LYPD6: variants seen among roughly 807,000 people sequenced by gnomAD.
LYPD6 encodes the protein LY6/PLAUR domain containing 6, also known as ly6/PLAUR domain-containing protein 6.
A neutral mutation model predicts 22.7 loss-of-function variants in LYPD6; 15 were observed. The observed-to-expected ratio is 0.66, with a 90% CI of 0.44 to 1.02. The LOEUF is 1.02. Among genes scored for constraint, LYPD6 ranks in the 50% least tolerant of loss-of-function variants. The pLI is 0.00. For synonymous variants in LYPD6, 72 were observed against 77.5 expected, an observed-to-expected ratio of 0.93 and a Z score of 0.37; for missense variants, 189 against 208.4, an observed-to-expected ratio of 0.91 and a Z score of 0.57.
intron 1 of LYPD6, among the ~76,000 whole-genome samples, chr2:149,385,532 C>G (rs1682163739): frequency 6.6e-6 from 1 of 152,182 alleles, no homozygotes; most frequent in Non-Finnish European, 1.5e-5. Context: ...AGGGACTTAG[C>G]TGGTCTCCTC....
At chr2:149,365,206 A>G (rs961500743) in intron 1 of LYPD6, among the ~76,000 whole-genome samples, 1 of 152,190 alleles carries the variant, frequency 6.6e-6, no homozygotes, top group Non-Finnish European at 1.5e-5. Context: ...ATTCTGCTGG[A>G]TGATGTTACC....
intron 1 of LYPD6, among the ~76,000 whole-genome samples, chr2:149,360,384 C>G (rs994552087): frequency 2.0e-5 from 3 of 152,204 alleles, no homozygotes; most frequent in Non-Finnish European, 1.5e-5. Context: ...TTATTTTTCC[C>G]AGCCCCTATT....
chr2:149,389,413 A>G (rs1440719803), intron 1 of LYPD6, among the ~76,000 whole-genome samples: 6 of 152,172 alleles, frequency 3.9e-5, no homozygotes, highest in Non-Finnish European at 8.8e-5. Flanking sequence ...AGTCACAGCT[A>G]GGCATGGAAC....
In LYPD6 at chr2:149,416,563, C is replaced by T. The variant is rs780851252; in HGVS notation, c.-71-21075C>T. Among the ~76,000 whole-genome samples the T allele has an allele frequency of 4.6e-5, 7 of 152,276 alleles. No individual in the cohort carries two copies. In the South Asian group the frequency reaches 6.2e-4, roughly 14 times the overall value. ...CCTCGTGGCAGCTATAACTGTAGTTCAGTGGGACCCTTGCTAAGTTCTTTG... is the reference window on the plus strand; with the variant it reads ...CCTCGTGGCAGCTATAACTGTAGTTTAGTGGGACCCTTGCTAAGTTCTTTG... On this transcript the variant is annotated intron_variant, in intron 1 of 4. Coordinates refer to ENST00000334166, the MANE Select transcript of LYPD6 (RefSeq NM_194317.5).
At chr2:149,363,746 G>A (rs1369402367) in intron 1 of LYPD6, among the ~76,000 whole-genome samples, 2 of 152,108 alleles carry the variant, frequency 1.3e-5, no homozygotes, top group African/African-American at 2.4e-5. Flanking sequence ...GAAACAGCAG[G>A]CACTACACAT....
At chr2:149,358,061 C>T (rs558414053) in intron 1 of LYPD6, among the ~76,000 whole-genome samples, 125 of 152,304 alleles carry the variant, frequency 8.2e-4, no homozygotes, top group Middle Eastern at 3.4e-3. Context: ...GCTGGGATTA[C>T]AGGCATGAGC....
chr2:149,422,564 T>C (rs950479111), intron 1 of LYPD6, among the ~76,000 whole-genome samples: 14 of 152,306 alleles, frequency 9.2e-5, no homozygotes, highest in African/African-American at 3.4e-4. Context: ...ATCAGGCTAA[T>C]TAACTTATCA....
Position 149,459,888 on chromosome 2 carries a change from T to A in LYPD6, c.218-8757T>A, listed in dbSNP as rs1726490. The stretch of plus-strand genomic sequence containing the variant: ...CTGCACTCTAGCCTGGGTGACAGAG[T>A]AAGACTTTGTCTCAAAAAAAAAAAA... On this transcript the variant is annotated intron_variant, in intron 3 of 4. Transcript: ENST00000334166. 6.7e-5 allele frequency among the ~76,000 whole-genome samples: 10 copies of A among 149,390 alleles called. No individual in the cohort carries two copies. The East Asian group carries it at 1.8e-3, about 26-fold the overall frequency.
intron 1 of LYPD6, among the ~76,000 whole-genome samples, chr2:149,427,220 T>A (rs575789693): frequency 6.6e-6 from 1 of 152,336 alleles, no homozygotes; most frequent in East Asian, 1.9e-4. Context: ...CTGGCTGCAA[T>A]TTAGTTCACT....
intron 1 of LYPD6, among the ~76,000 whole-genome samples, chr2:149,415,597 G>GGA (rs750437568): frequency 8.6e-5 from 13 of 151,950 alleles, no homozygotes; most frequent in Admixed American, 7.9e-4. Flanking sequence ...CCTTAACGAA[G>GGA]GAGAGAGAGA....
intron 1 of LYPD6, among the ~76,000 whole-genome samples, chr2:149,367,525 C>A (rs766861241): frequency 9.2e-5 from 14 of 152,290 alleles, no homozygotes; most frequent in African/African-American, 2.9e-4. Context: ...AACACCAGAT[C>A]GAGGGGCACC....
chr2:149,457,794 G>A (rs1380042346), intron 3 of LYPD6, among the ~76,000 whole-genome samples: 3 of 152,080 alleles, frequency 2.0e-5, no homozygotes, highest in African/African-American at 4.8e-5. Context: ...TTATTAAAAA[G>A]CAAACCAAAG....
chr2:149,427,640 G>C (rs951464002), intron 1 of LYPD6, among the ~76,000 whole-genome samples: 1 of 152,188 alleles, frequency 6.6e-6, no homozygotes, highest in African/African-American at 2.4e-5. Context: ...CATAATGACC[G>C]CATAATGACA....
chr2:149,338,707 C>T (rs946212182), intron 1 of LYPD6, among the ~76,000 whole-genome samples: 3 of 152,032 alleles, frequency 2.0e-5, no homozygotes, highest in Non-Finnish European at 4.4e-5. Context: ...TAAATTACCC[C>T]GGCTAAGGCA....
intron 1 of LYPD6, among the ~76,000 whole-genome samples, chr2:149,380,714 G>T (rs1383583933): frequency 1.3e-5 from 2 of 152,128 alleles, no homozygotes; most frequent in East Asian, 3.9e-4. Flanking sequence ...AGACATCTGG[G>T]ATAAAAATAT....
intron 1 of LYPD6, among the ~76,000 whole-genome samples, chr2:149,437,235 G>A (rs1425137389): frequency 2.0e-5 from 3 of 152,084 alleles, no homozygotes; most frequent in Non-Finnish European, 2.9e-5. Flanking sequence ...ATGGACACCC[G>A]TGGCCCAGTA....
At chr2:149,369,984 C>T (rs547086721) in intron 1 of LYPD6, among the ~76,000 whole-genome samples, 3 of 151,882 alleles carry the variant, frequency 2.0e-5, no homozygotes, top group South Asian at 2.1e-4. Flanking sequence ...AGAGGTGGAG[C>T]GATTAGCAGC....
intron 3 of LYPD6, among the ~76,000 whole-genome samples, chr2:149,465,765 GGGT>G (rs1681186173): frequency 6.6e-6 from 1 of 152,164 alleles, no homozygotes; most frequent in East Asian, 1.9e-4. Context: ...GCGTGCACAT[GGGT>G]GTGAATTTCA....
intron 1 of LYPD6, among the ~76,000 whole-genome samples, chr2:149,369,947 G>C (rs945503455): frequency 6.6e-6 from 1 of 152,108 alleles, no homozygotes; most frequent in Non-Finnish European, 1.5e-5. Flanking sequence ...ACTGATGGTT[G>C]AGATTCCCGA....
Sources: allele counts gnomAD v4.1 joint callset (sites outside exome capture counted in the v4.1 genomes callset), GRCh38; gene constraint gnomAD v4.1.1; transcripts MANE v1.5; gene names NCBI Gene and HGNC (gene_info 2026-07-23, HGNC 2026-07-21).